The following MEMO1 variants were observed in gnomAD, a reference collection of about 807,000 sequenced individuals.
MEMO1 encodes the protein mediator of cell motility 1.
In MEMO1, 6 loss-of-function variants were observed where a neutral mutation model predicts 45.2. The ratio of observed to expected loss-of-function variants is 0.13; its 90% CI spans 0.07 to 0.26. The LOEUF is 0.26. Ranked by LOEUF, MEMO1 falls within the 10% of genes least tolerant of loss-of-function variation. The pLI is 1.00. For synonymous variants in MEMO1, 78 were observed against 124.3 expected, an observed-to-expected ratio of 0.63 and a Z score of 2.48; for missense variants, 184 against 370.5, an observed-to-expected ratio of 0.50 and a Z score of 4.13.
intron 6 of MEMO1, among the ~76,000 whole-genome samples, chr2:31,898,097 TTC>T (rs1678157247): frequency 6.6e-6 from 1 of 151,972 alleles, no homozygotes; most frequent in Non-Finnish European, 1.5e-5. Flanking sequence ...TCTTTGATTC[TTC>T]TCTCTTTTCT....
At chr2:31,885,026 G>C (rs1240929101) in intron 7 of MEMO1, among the ~76,000 whole-genome samples, 3 of 151,850 alleles carry the variant, frequency 2.0e-5, no homozygotes, top group Admixed American at 6.6e-5. Context: ...TTTAGAGTAA[G>C]GTATAGCTTT....
chr2:31,903,309 G>A (rs1679141889), intron 6 of MEMO1, among the ~76,000 whole-genome samples: 1 of 149,812 alleles, frequency 6.7e-6, no homozygotes. Context: ...TAGCCAGTCA[G>A]AAGGGACAGG....
chr2:31,989,287 A>C (rs1304391688), intron 2 of MEMO1, among the ~76,000 whole-genome samples: 1 of 152,166 alleles, frequency 6.6e-6, no homozygotes, highest in Non-Finnish European at 1.5e-5. Context: ...CACATCAGGG[A>C]AAGTAACCAA....
intron 2 of MEMO1, among the ~76,000 whole-genome samples, chr2:31,988,088 G>C (rs1572902774): frequency 6.6e-6 from 1 of 152,134 alleles, no homozygotes; most frequent in South Asian, 2.1e-4. Flanking sequence ...AAGAGTTCTT[G>C]GTTTCTTTTT....
intron 2 of MEMO1, among the ~76,000 whole-genome samples, chr2:31,967,949 AT>A (rs1472200754): frequency 6.6e-6 from 1 of 152,178 alleles, no homozygotes; most frequent in Non-Finnish European, 1.5e-5. Flanking sequence ...CCTTGGAAGA[AT>A]GAGAGACTGA....
At chr2:31,965,140 G>C (rs138058609) in intron 2 of MEMO1, among the ~76,000 whole-genome samples, 1 of 151,940 alleles carries the variant, frequency 6.6e-6, no homozygotes, top group Non-Finnish European at 1.5e-5. Context: ...TTGAACCGGA[G>C]AGGCAGAGGT....
intron 2 of MEMO1, among the ~76,000 whole-genome samples, chr2:31,966,591 C>T (rs1364645735): frequency 6.6e-6 from 1 of 151,920 alleles, no homozygotes; most frequent in Non-Finnish European, 1.5e-5. Flanking sequence ...ATTAGCCAGG[C>T]ATGGTGGCAC....
At chr2:31,992,916 A>G (rs748964657) in intron 2 of MEMO1, among the ~76,000 whole-genome samples, 2 of 152,236 alleles carry the variant, frequency 1.3e-5, no homozygotes, top group Admixed American at 6.5e-5. Flanking sequence ...ATTAACTAAA[A>G]TACATATTTG....
chr2:31,990,623 G>A (rs1336339494), intron 2 of MEMO1, among the ~76,000 whole-genome samples: 1 of 145,564 alleles, frequency 6.9e-6, no homozygotes, highest in Non-Finnish European at 1.5e-5. Context: ...TGCCCAGGCT[G>A]GTCTTGAACT....
intron 2 of MEMO1, among the ~76,000 whole-genome samples, chr2:31,971,790 T>G (rs922808252): frequency 5.3e-5 from 8 of 152,024 alleles, no homozygotes; most frequent in Non-Finnish European, 1.0e-4. Context: ...GCCAACATAG[T>G]GAAACTCCAT....
rs1026854811 is a variant in MEMO1, at chr2:31,923,003, C to T, written c.213-2093G>A. ...AGGTACATACCCAATAATGGGACTGCGGGGCCCAGAGTTACTTCTGTTTTA... is the reference window on the plus strand; with the variant it reads ...AGGTACATACCCAATAATGGGACTGTGGGGCCCAGAGTTACTTCTGTTTTA... On this transcript the variant is annotated intron_variant, in intron 4 of 9. Transcript: ENST00000404530. Among the ~76,000 whole-genome samples the T allele has an allele frequency of 2.0e-5, 3 of 151,992 alleles. No individual in the cohort carries two copies. In the South Asian group the frequency reaches 6.2e-4, roughly 32 times the overall value.
chr2:31,944,898 C>T (rs1305800895), intron 2 of MEMO1, among the ~76,000 whole-genome samples: 1 of 152,108 alleles, frequency 6.6e-6, no homozygotes, highest in Non-Finnish European at 1.5e-5. Flanking sequence ...ATAACAAACA[C>T]ACACATACCC....
At chr2:31,884,671 C>T (rs1472609440) in intron 7 of MEMO1, among the ~76,000 whole-genome samples, 3 of 152,176 alleles carry the variant, frequency 2.0e-5, no homozygotes, top group African/African-American at 7.2e-5. Flanking sequence ...ATACTGATCA[C>T]CTTTGATGGT....
intron 6 of MEMO1, among the ~76,000 whole-genome samples, chr2:31,894,680 G>A (rs145504938): frequency 6.6e-6 from 1 of 152,164 alleles, no homozygotes; most frequent in Non-Finnish European, 1.5e-5. Context: ...AAACCTGAGA[G>A]ACCTAGCTCT....
chr2:32,000,618 G>T (rs919317607), intron 2 of MEMO1, among the ~76,000 whole-genome samples: 4 of 151,492 alleles, frequency 2.6e-5, no homozygotes, highest in Non-Finnish European at 5.9e-5. Context: ...CGCCCTCCTC[G>T]GCCTCCCAAA....
At chr2:31,956,756 A>G (rs1667456911) in intron 2 of MEMO1, among the ~76,000 whole-genome samples, 3 of 152,202 alleles carry the variant, frequency 2.0e-5, no homozygotes, top group African/African-American at 7.2e-5. Flanking sequence ...TACACAACAG[A>G]AGGTACAATA....
intron 4 of MEMO1, among the ~76,000 whole-genome samples, chr2:31,925,492 A>AAAAAAAAAAAAAAAAAAAAAAAAG (rs1558507956): frequency 3.0e-5 from 4 of 133,846 alleles, no homozygotes; most frequent in African/African-American, 1.0e-4. Context: ...AAAAAAAAAA[A>AAAAAAAAAAAAAAAAAAAAAAAAG]AAAAAAATCT....
intron 2 of MEMO1, among the ~76,000 whole-genome samples, chr2:31,955,822 T>A (rs1030296869): frequency 6.6e-6 from 1 of 152,088 alleles, no homozygotes; most frequent in African/African-American, 2.4e-5. Flanking sequence ...TGGTCAGGCT[T>A]GTCTCAAACT....
chr2:31,998,884 G>A (rs1301451645), intron 2 of MEMO1, among the ~76,000 whole-genome samples: 2 of 151,658 alleles, frequency 1.3e-5, no homozygotes, highest in African/African-American at 4.9e-5. Context: ...CTAAACTCCA[G>A]ACTCATACAT....
Sources: allele counts gnomAD v4.1 joint callset (sites outside exome capture counted in the v4.1 genomes callset), GRCh38; gene constraint gnomAD v4.1.1; transcripts MANE v1.5; gene names NCBI Gene and HGNC (gene_info 2026-07-23, HGNC 2026-07-21).